The following CSMD2 variants were observed in gnomAD, a reference collection of about 807,000 sequenced individuals.
CSMD2 encodes the protein CUB and Sushi multiple domains 2.
A neutral mutation model predicts 398.5 loss-of-function variants in CSMD2; 130 were observed. That is an observed-to-expected ratio of 0.33 (90% CI 0.28 to 0.38). The LOEUF (loss-of-function observed/expected upper bound fraction) is 0.38, where lower values mean the gene tolerates loss of function less well. CSMD2 is among the 10% of genes least tolerant of loss of function. The pLI, the probability that CSMD2 is intolerant of heterozygous loss-of-function variation, is 1.00. For missense variants in CSMD2, 3,829 were observed against 4,764.9 expected (o/e 0.80, Z 5.78); for synonymous variants, 1,828 against 1,908.5 (o/e 0.96, Z 1.10).
chr1:33,617,674 G>A (rs1641485165), intron 37 of CSMD2, 57 bp from the exon 38 acceptor site: 2 of 1,364,734 alleles, frequency 1.5e-6, no homozygotes, highest in African/African-American at 1.4e-5. Context: ...AGGTCAACGT[G>A]GCGGTAGGCT....
chr1:33,911,987 C>T (rs956183889), intron 5 of CSMD2, among the ~76,000 whole-genome samples: 2 of 152,220 alleles, frequency 1.3e-5, no homozygotes, highest in Non-Finnish European at 2.9e-5. Flanking sequence ...ACCACCTCAT[C>T]TCCTATATTA....
chr1:33,625,981 T>C (rs1642101368), intron 33 of CSMD2, among the ~76,000 whole-genome samples: 1 of 152,216 alleles, frequency 6.6e-6, no homozygotes, highest in Non-Finnish European at 1.5e-5. Flanking sequence ...ATCCTATCAG[T>C]GAGGCATTGT....
chr1:34,089,315 GC>G, intron 1 of CSMD2, 122 bp from the exon 2 acceptor site: 1 of 912,650 alleles, frequency 1.1e-6, no homozygotes. Flanking sequence ...CCATGAGCCA[GC>G]CCTGTACTTG....
intron 1 of CSMD2, among the ~76,000 whole-genome samples, chr1:34,123,707 C>T (rs1287156253): frequency 5.9e-5 from 9 of 151,902 alleles, no homozygotes; most frequent in Admixed American, 5.2e-4. Context: ...CTGGTGTCCA[C>T]TGCTTAATGT....
intron 5 of CSMD2, among the ~76,000 whole-genome samples, chr1:33,880,112 T>C (rs747664156): frequency 5.3e-5 from 8 of 152,310 alleles, no homozygotes; most frequent in Non-Finnish European, 1.2e-4. Flanking sequence ...TGTGACCTCA[T>C]GGAGACCAAA....
At chr1:34,077,566 C>G (rs1411556327) in intron 2 of CSMD2, among the ~76,000 whole-genome samples, 1 of 147,252 alleles carries the variant, frequency 6.8e-6, no homozygotes, top group East Asian at 2.0e-4. Flanking sequence ...GAAACCCCGT[C>G]TCTATTAAAA....
intron 5 of CSMD2, among the ~76,000 whole-genome samples, chr1:33,877,164 T>C (rs1360284160): frequency 6.6e-6 from 1 of 152,224 alleles, no homozygotes; most frequent in Non-Finnish European, 1.5e-5. Context: ...CTGGTCTTAT[T>C]CTATCCTGTA....
chr1:33,956,221 A>G (rs994245293), intron 3 of CSMD2, among the ~76,000 whole-genome samples: 4 of 151,086 alleles, frequency 2.6e-5, no homozygotes, highest in Non-Finnish European at 4.4e-5. Flanking sequence ...AAAAAAAAAA[A>G]GAATATTCAC....
At chr1:33,826,527 C>T (rs1247834143) in intron 6 of CSMD2, among the ~76,000 whole-genome samples, 2 of 152,194 alleles carry the variant, frequency 1.3e-5, no homozygotes, top group African/African-American at 4.8e-5. Flanking sequence ...ATAAGCCAAC[C>T]TCTTACAGGC....
In CSMD2 at chr1:33,575,889, A is replaced by G. The variant is rs192917199; in HGVS notation, c.7576+1407T>C. 9.7e-4 allele frequency among the ~76,000 whole-genome samples: 148 copies of G among 152,326 alleles called. 1 individual carries two copies. Among genetic ancestry groups the G allele is most frequent in the African/African-American group, 3.1e-3 (128 of 41,564 alleles). ...AGGATTAGAGATGAGAGATGTCATTAAAAAGTACTTCACCACTACTGGGAA... is the reference window on the plus strand; with the variant it reads ...AGGATTAGAGATGAGAGATGTCATTGAAAAGTACTTCACCACTACTGGGAA... On this transcript the variant is annotated intron_variant, in intron 49 of 70. Transcript: ENST00000373381.
chr1:33,750,434 T>C (rs1011780101), intron 13 of CSMD2, among the ~76,000 whole-genome samples: 4 of 152,104 alleles, frequency 2.6e-5, no homozygotes, highest in Admixed American at 6.5e-5. Flanking sequence ...TGAGTCCAAA[T>C]GTTAAATTAA....
intron 1 of CSMD2, among the ~76,000 whole-genome samples, chr1:34,145,182 TA>T (rs1177077962): frequency 6.6e-6 from 1 of 152,150 alleles, no homozygotes; most frequent in Non-Finnish European, 1.5e-5. Context: ...ACAAAGTGAA[TA>T]AGAATGAGGT....
chr1:33,670,438 A>G (rs1016296183), intron 25 of CSMD2, among the ~76,000 whole-genome samples: 6 of 152,180 alleles, frequency 3.9e-5, no homozygotes, highest in African/African-American at 1.4e-4. Flanking sequence ...CTGTCACTCT[A>G]CAAGAGGCAA....
rs1646171789 is a variant in CSMD2 at position 33,716,476 on chromosome 1, G to T, written c.3027C>A (p.Phe1009Leu). 1 of 1,613,504 alleles carries T rather than the reference G, an allele frequency of 6.2e-7. No individual in the cohort carries two copies. ...GKGVFFTFHT[F>L]HLESGHDYLL... ...GGTAGTCATGGCCACTTTCCAGGTG[G>T]AAGGTGTGGAAAGTGAAGAACACAC... Residue 1009 changes from phenylalanine (F) to leucine (L), a missense_variant, in exon 20 of 71, where the codon TTC becomes TTA. Physicochemically the swap from Phe to Leu is conservative, Grantham distance 22. Around this residue, in one of 5 missense-constraint regions of CSMD2, gnomAD observed 2,001 missense variants for 2,567.1 expected, o/e 0.78. Coordinates refer to ENST00000373381, the MANE Select transcript of CSMD2 (RefSeq NM_001281956.2).
In CSMD2 at chr1:33,811,367, C is replaced by T. The variant is rs375671272; in HGVS notation, c.1325-503G>A. Among the ~76,000 whole-genome samples the T allele has an allele frequency of 1.4e-4, 22 of 152,286 alleles. 1 individual carries two copies. In the East Asian group the frequency reaches 3.7e-3, roughly 25 times the overall value. ...GAGTCTGACCTCATTCCAGGTTCTG[C>T]CTGCCCCTCAGTTCCTTCCTCCGTG... On this transcript the variant is annotated intron_variant, in intron 9 of 70. Coordinates refer to ENST00000373381, the MANE Select transcript of CSMD2 (RefSeq NM_001281956.2).
intron 68 of CSMD2, among the ~76,000 whole-genome samples, chr1:33,520,407 C>T (rs1375239253): frequency 1.3e-5 from 2 of 152,238 alleles, no homozygotes; most frequent in Non-Finnish European, 2.9e-5. Context: ...CCTCACCCTC[C>T]CCTGCAGACT....
intron 3 of CSMD2, among the ~76,000 whole-genome samples, chr1:33,967,871 C>G (rs1645619187): frequency 1.3e-5 from 2 of 152,170 alleles, no homozygotes; most frequent in South Asian, 2.1e-4. Flanking sequence ...CTGAAGAGCC[C>G]CATCCTCTAG....
chr1:34,063,817 C>T (rs548254390), intron 2 of CSMD2, among the ~76,000 whole-genome samples: 1 of 152,368 alleles, frequency 6.6e-6, no homozygotes, highest in East Asian at 1.9e-4. Flanking sequence ...CAGAGGTTCT[C>T]CATGAGGGCC....
At chr1:34,143,847 C>T (rs72888118) in intron 1 of CSMD2, among the ~76,000 whole-genome samples, 3,521 of 152,154 alleles carry the variant, frequency 0.023, 129 homozygotes, top group African/African-American at 0.08. Context: ...GTGTGATGCC[C>T]GGCCCTAATC....
Sources: gnomAD v4.1 joint callset for allele counts (sites outside exome capture counted in the v4.1 genomes callset) on GRCh38, gnomAD v4.1.1 for gene constraint, gnomAD v4.1.1 regional missense constraint, MANE v1.5 for transcripts, NCBI Gene and HGNC (gene_info 2026-07-23, HGNC 2026-07-21) for gene names.